Variants in GABRB2 observed in about 807,000 individuals in gnomAD.
GABRB2 encodes the protein gamma-aminobutyric acid type A receptor subunit beta2.
Under a neutral mutation model 54.7 loss-of-function variants are expected in GABRB2, and 16 were observed. The observed-to-expected ratio is 0.29, with a 90% CI of 0.20 to 0.44. The LOEUF is 0.44. Among genes scored for constraint, GABRB2 ranks in the 20% least tolerant of loss-of-function variants. The pLI is 1.00. For synonymous variants in GABRB2, 244 were observed against 233.8 expected (o/e 1.04, Z -0.40); for missense variants, 355 against 644.0 (o/e 0.55, Z 4.86).
At chr5:161,533,185 A>G (rs577522902) in intron 3 of GABRB2, among the ~76,000 whole-genome samples, 2 of 152,340 alleles carry the variant, frequency 1.3e-5, no homozygotes, top group South Asian at 4.1e-4. Context: ...CAAAGAGAAC[A>G]ACAGCAAGAG....
chr5:161,430,598 T>C (rs1430126887), intron 4 of GABRB2, among the ~76,000 whole-genome samples: 1 of 152,092 alleles, frequency 6.6e-6, no homozygotes, highest in Non-Finnish European at 1.5e-5. Context: ...CAGGATAACA[T>C]GGAATTGGAT....
At chr5:161,471,749 T>A (rs1758446234) in intron 3 of GABRB2, among the ~76,000 whole-genome samples, 1 of 152,026 alleles carries the variant, frequency 6.6e-6, no homozygotes. Flanking sequence ...AGCAGAGGAC[T>A]CAGTTCACCT....
At chr5:161,320,534 G>A (rs173768) in intron 9 of GABRB2, among the ~76,000 whole-genome samples, 45,473 of 151,360 alleles carry the variant, frequency 0.3, 7,431 homozygotes, top group African/African-American at 0.42. Context: ...CTTTATTTGG[G>A]ATAGTAATTA....
At chr5:161,510,889 C>T (rs917846794) in intron 3 of GABRB2, among the ~76,000 whole-genome samples, 1 of 151,898 alleles carries the variant, frequency 6.6e-6, no homozygotes, top group Admixed American at 6.6e-5. Flanking sequence ...ACACCTTCTG[C>T]TTTCATCCCT....
intron 3 of GABRB2, among the ~76,000 whole-genome samples, chr5:161,482,864 A>G (rs1051181998): frequency 3.3e-5 from 5 of 152,068 alleles, no homozygotes; most frequent in African/African-American, 1.2e-4. Flanking sequence ...TTTCAGAGTC[A>G]TTAGACTTTC....
chr5:161,330,924 C>G lies in GABRB2; in HGVS notation c.1036G>C (p.Ala346Pro). ...CGCATCTTCTCATTGTTGGCACTGG[C>G]AGCCTTCTCAGCTGCTTTCTTTTGG... ...QRQKKAAEKA[A>P]SANNEKMRLD... The change falls in exon 8 of 10, where the codon GCC (alanine) becomes CCC (proline). Residue 346 changes from alanine to proline, a missense_variant. Coordinates refer to ENST00000393959, the MANE Select transcript of GABRB2 (RefSeq NM_001371727.1). The G allele has an allele frequency of 6.2e-7, 1 of 1,614,256 alleles. No homozygotes were observed. The highest frequency in any genetic ancestry group is 8.5e-7 in the Non-Finnish European group (1 of 1,180,046).
At chr5:161,370,033 G>C (rs1395258334) in intron 5 of GABRB2, among the ~76,000 whole-genome samples, 1 of 152,080 alleles carries the variant, frequency 6.6e-6, no homozygotes, top group Non-Finnish European at 1.5e-5. Context: ...TATCATCTCA[G>C]TGATGGCTAA....
intron 4 of GABRB2, among the ~76,000 whole-genome samples, chr5:161,414,631 G>A (rs1448339189): frequency 2.0e-5 from 3 of 151,946 alleles, no homozygotes; most frequent in East Asian, 3.9e-4. Flanking sequence ...CATCTTTCCA[G>A]GTGTGTTATG....
chr5:161,523,805 C>A (rs555341368), intron 3 of GABRB2, among the ~76,000 whole-genome samples: 27 of 151,000 alleles, frequency 1.8e-4, no homozygotes, highest in African/African-American at 6.3e-4. Context: ...TACTGTAGGA[C>A]TACTATGATC....
intron 5 of GABRB2, among the ~76,000 whole-genome samples, chr5:161,373,777 C>T (rs1755201392): frequency 1.3e-5 from 2 of 152,152 alleles, no homozygotes; most frequent in Admixed American, 1.3e-4. Flanking sequence ...TCCAACTCAT[C>T]AGTAAGCAAC....
At chr5:161,341,934 CTTTT>C (rs1754171323) in intron 5 of GABRB2, among the ~76,000 whole-genome samples, 2 of 54,118 alleles carry the variant, frequency 3.7e-5, no homozygotes, top group African/African-American at 7.9e-5. Flanking sequence ...TTTATTTTTT[CTTTT>C]ATATATATAT....
At chr5:161,498,727 C>T (rs781755478) in intron 3 of GABRB2, among the ~76,000 whole-genome samples, 1 of 152,014 alleles carries the variant, frequency 6.6e-6, no homozygotes, top group Non-Finnish European at 1.5e-5. Flanking sequence ...GAAGTCTGCC[C>T]TGACACACCA....
chr5:161,327,941 A>C (rs1438837569), intron 8 of GABRB2, among the ~76,000 whole-genome samples: 1 of 152,184 alleles, frequency 6.6e-6, no homozygotes, highest in African/African-American at 2.4e-5. Context: ...GCTGACACAA[A>C]GGACAGCACC....
intron 9 of GABRB2, among the ~76,000 whole-genome samples, chr5:161,305,398 A>C (rs1757661568): frequency 6.6e-6 from 1 of 152,214 alleles, no homozygotes; most frequent in African/African-American, 2.4e-5. Context: ...GAAGTGCAGA[A>C]TGAAGTTAAG....
At chr5:161,395,735 A>T (rs1471986621) in intron 5 of GABRB2, among the ~76,000 whole-genome samples, 1 of 152,090 alleles carries the variant, frequency 6.6e-6, no homozygotes, top group Non-Finnish European at 1.5e-5. Flanking sequence ...TGAGTAAAAA[A>T]ATCCTTGAGG....
chr5:161,408,464 A>C (rs2113106290), intron 5 of GABRB2, among the ~76,000 whole-genome samples: 1 of 152,198 alleles, frequency 6.6e-6, no homozygotes, highest in Non-Finnish European at 1.5e-5. Flanking sequence ...GTAAAAGATT[A>C]GTGTTCAATA....
intron 3 of GABRB2, among the ~76,000 whole-genome samples, chr5:161,480,581 A>C (rs889666947): frequency 6.6e-6 from 1 of 152,060 alleles, no homozygotes; most frequent in Non-Finnish European, 1.5e-5. Context: ...AGTGTTTGGC[A>C]TTGGTGGTAA....
At chr5:161,489,430 C>T (rs1054545223) in intron 3 of GABRB2, among the ~76,000 whole-genome samples, 4 of 151,650 alleles carry the variant, frequency 2.6e-5, no homozygotes, top group East Asian at 1.9e-4. Flanking sequence ...ATCAGATAGA[C>T]ATTACCATCA....
intron 5 of GABRB2, among the ~76,000 whole-genome samples, chr5:161,353,852 A>G (rs1320135565): frequency 6.6e-6 from 1 of 152,008 alleles, no homozygotes; most frequent in Non-Finnish European, 1.5e-5. Flanking sequence ...TAAAGTACTA[A>G]AAGTTATTTC....
Sources: gnomAD v4.1 joint callset for allele counts (sites outside exome capture counted in the v4.1 genomes callset) on GRCh38, gnomAD v4.1.1 for gene constraint, MANE v1.5 for transcripts, NCBI Gene and HGNC (gene_info 2026-07-23, HGNC 2026-07-21) for gene names.